Variants in PRDM5 observed in about 807,000 individuals in gnomAD.
The protein encoded by PRDM5 is PR domain zinc finger protein 5.
PRDM5 carries 56 observed loss-of-function variants against 81.2 expected under a neutral mutation model. That is an observed-to-expected ratio of 0.69 (90% confidence interval 0.56 to 0.86). The LOEUF (loss-of-function observed/expected upper bound fraction) is 0.86, where lower values mean the gene tolerates loss of function less well. Ranked by LOEUF, PRDM5 falls within the 40% of genes least tolerant of loss-of-function variation. The pLI is 0.00. For missense variants in PRDM5, 697 were observed against 770.1 expected (o/e 0.91, Z 1.12); for synonymous variants, 267 against 256.4 (o/e 1.04, Z -0.39).
intron 3 of PRDM5, among the ~76,000 whole-genome samples, chr4:120,826,587 T>A (rs188412159): frequency 5.4e-4 from 82 of 152,214 alleles, no homozygotes; most frequent in Non-Finnish European, 8.1e-4. Flanking sequence ...TCAATATTTT[T>A]AAAATAATAG....
At chr4:120,865,867 C>T (rs993559611) in intron 2 of PRDM5, among the ~76,000 whole-genome samples, 2 of 152,154 alleles carry the variant, frequency 1.3e-5, no homozygotes, top group Admixed American at 6.5e-5. Context: ...CAGGACTTCT[C>T]CAGCCTGACC....
intron 3 of PRDM5, among the ~76,000 whole-genome samples, chr4:120,826,233 C>T (rs1755959890): frequency 6.6e-6 from 1 of 152,158 alleles, no homozygotes; most frequent in African/African-American, 2.4e-5. Flanking sequence ...CAAACTAGTA[C>T]ACTTCTCAGA....
At chr4:120,835,017 C>A (rs1392359207) in intron 3 of PRDM5, among the ~76,000 whole-genome samples, 1 of 152,138 alleles carries the variant, frequency 6.6e-6, no homozygotes, top group Non-Finnish European at 1.5e-5. Context: ...ATTTTTAATT[C>A]TATGATTGTT....
chr4:120,890,745 T>C (rs879127385), intron 2 of PRDM5, among the ~76,000 whole-genome samples: 2 of 152,252 alleles, frequency 1.3e-5, no homozygotes, highest in Non-Finnish European at 2.9e-5. Flanking sequence ...TTTTTTCATA[T>C]GCTAGTTGGC....
intron 10 of PRDM5, among the ~76,000 whole-genome samples, chr4:120,787,835 T>C (rs1292915686): frequency 6.6e-6 from 1 of 152,150 alleles, no homozygotes; most frequent in African/African-American, 2.4e-5. Context: ...TACAGGTACT[T>C]GAATATTTCA....
intron 2 of PRDM5, among the ~76,000 whole-genome samples, chr4:120,876,956 G>A (rs1016853972): frequency 1.3e-5 from 2 of 152,066 alleles, no homozygotes; most frequent in Admixed American, 6.6e-5. Context: ...ACTCTTATAG[G>A]ACATTCTCTT....
chr4:120,730,411 T>C (rs1261594115), intron 14 of PRDM5, among the ~76,000 whole-genome samples: 1 of 152,184 alleles, frequency 6.6e-6, no homozygotes, highest in African/African-American at 2.4e-5. Context: ...TAACTTTATG[T>C]AGAAATAAAA....
intron 12 of PRDM5, among the ~76,000 whole-genome samples, chr4:120,778,617 T>C (rs1748535810): frequency 6.6e-6 from 1 of 152,182 alleles, no homozygotes; most frequent in South Asian, 2.1e-4. Flanking sequence ...CTAAAGACCT[T>C]AGTCAGTATC....
At chr4:120,720,145 T>C (rs1270646354) in intron 14 of PRDM5, among the ~76,000 whole-genome samples, 1 of 152,170 alleles carries the variant, frequency 6.6e-6, no homozygotes, top group Non-Finnish European at 1.5e-5. Flanking sequence ...CTTCTTGTAC[T>C]CTTATATGAT....
At chr4:120,696,486 G>A (rs988982111) in intron 15 of PRDM5, among the ~76,000 whole-genome samples, 1 of 152,122 alleles carries the variant, frequency 6.6e-6, no homozygotes, top group African/African-American at 2.4e-5. Context: ...AACAATTTCT[G>A]TAAAGTAAGC....
intron 4 of PRDM5, among the ~76,000 whole-genome samples, chr4:120,818,813 A>G (rs1252044600): frequency 1.3e-5 from 2 of 152,194 alleles, no homozygotes; most frequent in African/African-American, 2.4e-5. Context: ...TCAGATCAAA[A>G]TGTTAAATTA....
chr4:120,853,882 TC>T (rs1212098958), intron 2 of PRDM5, among the ~76,000 whole-genome samples: 1 of 152,170 alleles, frequency 6.6e-6, no homozygotes, highest in Non-Finnish European at 1.5e-5. Flanking sequence ...ATTGCAACCT[TC>T]CCCTTTTCTC....
intron 15 of PRDM5, among the ~76,000 whole-genome samples, chr4:120,708,886 A>G (rs1237238295): frequency 6.6e-6 from 1 of 152,158 alleles, no homozygotes; most frequent in Non-Finnish European, 1.5e-5. Context: ...GAGCAAAGAC[A>G]GTTCTATACT....
intron 15 of PRDM5, among the ~76,000 whole-genome samples, chr4:120,695,641 T>C (rs1734437621): frequency 1.3e-5 from 2 of 152,154 alleles, no homozygotes; most frequent in South Asian, 4.1e-4. Context: ...GCTAATGCTG[T>C]TTTAAGTATC....
rs1453548833 is a variant in PRDM5 at position 120,693,894 on chromosome 4, T to G, written c.*1217A>C. ...CATATCATCTCTCCAAACAAGCTGT[T>G]CATTGTATGTTGCTGTCAAGTATTT... is the stretch of plus-strand genomic sequence containing the variant. On this transcript the variant is annotated 3_prime_UTR_variant, in exon 16 of 16. Coordinates refer to ENST00000264808, the MANE Select transcript of PRDM5 (RefSeq NM_018699.4). The G allele has an allele frequency of 6.6e-6, 1 of 152,144 alleles. No individual in the cohort carries two copies. 9.4% of individuals were successfully genotyped at this position (152,144 alleles called of 1,614,324 possible).
intron 2 of PRDM5, among the ~76,000 whole-genome samples, chr4:120,871,247 G>A (rs754559701): frequency 3.9e-5 from 6 of 152,116 alleles, no homozygotes; most frequent in South Asian, 2.1e-4. Context: ...AGCCTTCACC[G>A]TCTTCCACAT....
At chr4:120,907,711 G>A (rs1296737077) in intron 1 of PRDM5, among the ~76,000 whole-genome samples, 154 bp from the exon 2 acceptor site, 1 of 152,204 alleles carries the variant, frequency 6.6e-6, no homozygotes, top group East Asian at 1.9e-4. Flanking sequence ...AACACAAAAT[G>A]TTTATTTACA....
chr4:120,799,733 A>G lies in PRDM5; in HGVS notation c.958T>C (p.Phe320Leu), dbSNP rs975072246. 3 of 1,612,406 alleles carry G rather than the reference A, an allele frequency of 1.9e-6. No individual in the cohort carries two copies. Among genetic ancestry groups the G allele is most frequent in the Middle Eastern group, 3.5e-4 (2 of 5,744 alleles). ...LQEHRKIHEI[F>L]DCQECMKKFI... is the part of the protein sequence containing the mutation. ...TTCTTCATACATTCTTGACAATCAA[A>G]TATCTCATGAATCTGCAAAAGGTTA... is the stretch of plus-strand genomic sequence containing the variant. The change falls in exon 9 of 16, where the codon TTT becomes CTT. Residue 320 changes from phenylalanine to leucine, a missense_variant. Around this residue, in one of 3 missense-constraint regions of PRDM5, gnomAD observed 577 missense variants for 606.7 expected, o/e 0.95. Transcript: ENST00000264808.
At chr4:120,831,197 C>T (rs1294815213) in intron 3 of PRDM5, among the ~76,000 whole-genome samples, 1 of 151,888 alleles carries the variant, frequency 6.6e-6, no homozygotes, top group Non-Finnish European at 1.5e-5. Context: ...GATTAGAGGG[C>T]GGACATGTTC....
Sources: allele counts gnomAD v4.1 joint callset (sites outside exome capture counted in the v4.1 genomes callset), GRCh38; gene constraint gnomAD v4.1.1; regional missense constraint gnomAD v4.1.1; transcripts MANE v1.5; gene names NCBI Gene and HGNC (gene_info 2026-07-23, HGNC 2026-07-21).